Variants in RASSF2 observed in about 807,000 individuals in gnomAD.
The protein encoded by RASSF2 is ras association domain-containing protein 2.
Under a neutral mutation model 46.3 loss-of-function variants are expected in RASSF2, and 34 were observed. That is an observed-to-expected ratio of 0.73 (90% CI 0.56 to 0.98). The LOEUF (loss-of-function observed/expected upper bound fraction) is 0.98. Among genes scored for constraint, RASSF2 ranks in the 50% least tolerant of loss-of-function variants. The pLI is 0.00. For missense variants in RASSF2, 364 were observed against 431.2 expected (o/e 0.84, Z 1.38); for synonymous variants, 158 against 162.5 (o/e 0.97, Z 0.21).
chr20:4,789,436 C>T (rs1253762824), intron 8 of RASSF2, among the ~76,000 whole-genome samples, 160 bp downstream of exon 8: 1 of 152,166 alleles, frequency 6.6e-6, no homozygotes, highest in African/African-American at 2.4e-5. Context: ...GATGCTGATT[C>T]TGTGGACTTT....
Position 4,792,611 on chromosome 20 carries a change from G to C in RASSF2, c.304C>G (p.Leu102Val). ...LGAQGTTLKP[L>V]TVPKVQISEV... ...GAGATCTGAACTTTGGGCACAGTCAGGGGCTTCAGAGTGGTTCTGGGAGTG... is the reference window on the plus strand; with the variant it reads ...GAGATCTGAACTTTGGGCACAGTCACGGGCTTCAGAGTGGTTCTGGGAGTG... Residue 102 changes from leucine to valine, a missense_variant, in exon 6 of 12, where the codon CTG becomes GTG. Leu to Val is a conservative substitution (Grantham distance 32, BLOSUM62 1). Coordinates refer to ENST00000379400, the MANE Select transcript of RASSF2 (RefSeq NM_014737.3). The C allele has an allele frequency of 1.9e-6, 3 of 1,614,044 alleles. No individual in the cohort carries two copies. Among genetic ancestry groups the C allele is most frequent in the Non-Finnish European group, 2.5e-6 (3 of 1,179,984 alleles).
chr20:4,802,747 G>A (rs535100130), intron 2 of RASSF2, among the ~76,000 whole-genome samples: 3 of 152,016 alleles, frequency 2.0e-5, no homozygotes, highest in South Asian at 4.2e-4. Flanking sequence ...GAGAGTTCTG[G>A]AGATAGACGG....
intron 1 of RASSF2, among the ~76,000 whole-genome samples, chr20:4,823,214 G>C (rs1928838839): frequency 6.6e-6 from 1 of 152,074 alleles, no homozygotes; most frequent in Admixed American, 6.5e-5. Context: ...GCGAGGTGGG[G>C]GGACGCGGAA....
intron 2 of RASSF2, among the ~76,000 whole-genome samples, chr20:4,817,761 G>A (rs1384922582): frequency 2.0e-5 from 3 of 152,178 alleles, no homozygotes; most frequent in African/African-American, 7.2e-5. Context: ...ACTCTAGGAG[G>A]GGCCAGTGCT....
chr20:4,795,682 G>T lies in RASSF2; in HGVS notation c.287+133C>A. ...GTTCCTCATTCCAAGGCTAAGGCAG[G>T]TGGGCAGTAGAGGTAGTAGGAGGAG... On this transcript the variant is annotated intron_variant, in intron 5 of 11. Coordinates refer to ENST00000379400, the MANE Select transcript of RASSF2 (RefSeq NM_014737.3). The surrounding 1 kb of genome is among the most constrained non-coding windows in gnomAD (Gnocchi z 4.0). The T allele has an allele frequency of 1.8e-6, 2 of 1,095,740 alleles. No homozygotes were observed. Among genetic ancestry groups the T allele is most frequent in the Non-Finnish European group, 1.3e-6 (1 of 778,550 alleles). The allele number at this position is 1,095,740 out of a possible 1,614,324, so 67.9% of individuals were successfully genotyped here. A position where few individuals can be genotyped will look rare whatever the true frequency, so the allele number is the denominator to read the frequency against.
At chr20:4,784,858 C>T (rs1036323161) in intron 11 of RASSF2, among the ~76,000 whole-genome samples, 3 of 152,140 alleles carry the variant, frequency 2.0e-5, no homozygotes, top group Admixed American at 6.5e-5. Context: ...AGCTACTAGG[C>T]GTGGAGGTCC....
At chr20:4,811,155 T>C (rs138176141) in intron 2 of RASSF2, among the ~76,000 whole-genome samples, 2 of 101,472 alleles carry the variant, frequency 2.0e-5, no homozygotes, top group African/African-American at 6.6e-5. Context: ...AAGATCAACC[T>C]GGGCAACATT....
rs1435664420 is a variant in RASSF2 at position 4,789,626 on chromosome 20, C to T, written c.609G>A (p.Gln203=). 1 of 1,614,046 alleles carries T rather than the reference C, an allele frequency of 6.2e-7. No individual in the cohort carries two copies. The highest frequency in any genetic ancestry group is 1.3e-5 in the African/African-American group (1 of 74,910). The change falls in exon 8 of 12, where the codon CAG becomes CAA. Residue 203 remains glutamine (Q), a synonymous_variant. Coordinates refer to ENST00000379400, the MANE Select transcript of RASSF2 (RefSeq NM_014737.3). ...VRINSTMTTP[Q]VLKLLLNKFK... ...ATTTGTTGAGCAGCAGCTTCAGGAC[C>T]TGTGGGGTGGTCATGGTGCTGTTGA...
chr20:4,797,321 T>A (rs1285146565), intron 4 of RASSF2, among the ~76,000 whole-genome samples: 1 of 152,214 alleles, frequency 6.6e-6, no homozygotes, highest in Non-Finnish European at 1.5e-5. Flanking sequence ...TATCTGTTTC[T>A]ATGGTTAAAT....
Position 4,790,609 on chromosome 20 carries a change from A to T in RASSF2, c.379T>A (p.Ser127Thr). The T allele has an allele frequency of 6.6e-7, 1 of 1,518,242 alleles. No individual in the cohort carries two copies. The highest frequency in any genetic ancestry group is 8.7e-7 in the Non-Finnish European group (1 of 1,144,818). 94.0% of individuals were successfully genotyped at this position (1,518,242 alleles called of 1,614,324 possible). The change falls in exon 7 of 12, where the codon TCC becomes ACC. Residue 127 changes from serine (S) to threonine (T), a missense_variant and splice_region_variant. Physicochemically the swap from Ser to Thr is moderately conservative, Grantham distance 58 (BLOSUM62 1). Coordinates refer to ENST00000379400, the MANE Select transcript of RASSF2 (RefSeq NM_014737.3). This position sits in a 1 kb window ranked among gnomAD's most constrained non-coding sequence, Gnocchi z 4.3. Reference protein sequence around the residue: ...EGDQMPSSTDSRGLKPLQEDT... With the variant: ...EGDQMPSSTDTRGLKPLQEDT... ...TCCTGCAGGGGCTTCAGGCCCCTGG[A>T]GTCTGAGAGAGGAGAGGGAAATGAA...
chr20:4,815,603 G>C (rs995499741), intron 2 of RASSF2, among the ~76,000 whole-genome samples: 23 of 152,232 alleles, frequency 1.5e-4, no homozygotes, highest in African/African-American at 4.6e-4. Context: ...GGAAGCTAGT[G>C]TCCACACAAC....
rs1568568757 is a variant in RASSF2 at position 4,795,551 on chromosome 20, C to G, written c.287+264G>C. 3 of 365,122 alleles carry G rather than the reference C, an allele frequency of 8.2e-6. No homozygotes were observed. The highest frequency in any genetic ancestry group is 1.5e-5 in the Non-Finnish European group (3 of 200,696). 22.6% of individuals were successfully genotyped at this position (365,122 alleles called of 1,614,324 possible). ...CCTGAGTTCTCCCTAAGGGAGGACT[C>G]TGACTCAGCAGCTCCCCTCGTATGA... On this transcript the variant is annotated intron_variant, in intron 5 of 11. Coordinates refer to ENST00000379400, the MANE Select transcript of RASSF2 (RefSeq NM_014737.3). The surrounding 1 kb of genome is among the most constrained non-coding windows in gnomAD (Gnocchi z 4.0).
intron 2 of RASSF2, among the ~76,000 whole-genome samples, chr20:4,821,176 C>T (rs1928665769): frequency 1.3e-5 from 2 of 152,100 alleles, no homozygotes; most frequent in Non-Finnish European, 2.9e-5. Context: ...TCAGGTGGGT[C>T]AGAGCATCCA....
intron 6 of RASSF2, among the ~76,000 whole-genome samples, chr20:4,792,315 A>G: frequency 6.8e-6 from 1 of 148,038 alleles, no homozygotes; most frequent in South Asian, 2.2e-4. Flanking sequence ...ACCCATAAAG[A>G]CATGTCAGTG....
chr20:4,799,417 A>C (rs1926676287), intron 3 of RASSF2, among the ~76,000 whole-genome samples: 1 of 152,194 alleles, frequency 6.6e-6, no homozygotes, highest in Non-Finnish European at 1.5e-5. Context: ...GGAGGGGGCC[A>C]CTGTGCGCTT....
At chr20:4,811,265 C>T (rs1927784637) in intron 2 of RASSF2, among the ~76,000 whole-genome samples, 1 of 59,644 alleles carries the variant, frequency 1.7e-5, no homozygotes, top group Non-Finnish European at 3.8e-5. Flanking sequence ...ATAGGAGGAT[C>T]GCTTGAGCAC....
chr20:4,823,020 C>A (rs1202547871), intron 1 of RASSF2, among the ~76,000 whole-genome samples: 2 of 152,222 alleles, frequency 1.3e-5, no homozygotes, highest in African/African-American at 4.8e-5. Context: ...GGAGGACTAG[C>A]TCCAAGCCAC....
At chr20:4,793,667 G>T (rs1200558583) in intron 5 of RASSF2, among the ~76,000 whole-genome samples, 2 of 151,446 alleles carry the variant, frequency 1.3e-5, no homozygotes, top group Non-Finnish European at 2.9e-5. Context: ...TTTTTGTAGA[G>T]ACAGGGTTTC....
At chr20:4,806,254 C>A (rs1420001774) in intron 2 of RASSF2, among the ~76,000 whole-genome samples, 2 of 152,206 alleles carry the variant, frequency 1.3e-5, no homozygotes, top group Non-Finnish European at 1.5e-5. Context: ...GAACCCAGAG[C>A]AGCCTCTGTT....
Sources: allele counts gnomAD v4.1 joint callset (sites outside exome capture counted in the v4.1 genomes callset), GRCh38; gene constraint gnomAD v4.1.1; non-coding constraint Gnocchi (gnomAD v3.1); transcripts MANE v1.5; gene names NCBI Gene and HGNC (gene_info 2026-07-23, HGNC 2026-07-21).